The following GABRB2 variants were observed in gnomAD, a reference collection of about 807,000 sequenced individuals.
GABRB2 encodes gamma-aminobutyric acid receptor subunit beta-2.
Under a neutral mutation model 54.7 loss-of-function variants are expected in GABRB2, and 16 were observed. The ratio of observed to expected loss-of-function variants is 0.29; its 90% CI spans 0.20 to 0.44. The LOEUF (loss-of-function observed/expected upper bound fraction) is 0.44, where lower values mean the gene tolerates loss of function less well. GABRB2 is among the 20% of genes least tolerant of loss of function. The pLI, the probability that GABRB2 is intolerant of heterozygous loss-of-function variation, is 1.00. For missense variants in GABRB2, 355 were observed against 644.0 expected (o/e 0.55, Z 4.86); for synonymous variants, 244 against 233.8 (o/e 1.04, Z -0.40).
At chr5:161,310,474 T>G (rs1309382757) in intron 9 of GABRB2, among the ~76,000 whole-genome samples, 3 of 152,204 alleles carry the variant, frequency 2.0e-5, no homozygotes, top group African/African-American at 7.2e-5. Flanking sequence ...GATTTCTGGC[T>G]GGCTTGCTTG....
chr5:161,332,665 A>G (rs1255418237), intron 7 of GABRB2, among the ~76,000 whole-genome samples: 3 of 152,216 alleles, frequency 2.0e-5, no homozygotes, highest in Non-Finnish European at 4.4e-5. Flanking sequence ...TTGCCATTGG[A>G]ATGAGAATCT....
upstream of GABRB2, chr5:161,548,062 C>T (rs1294667929): frequency 2.6e-5 from 4 of 152,958 alleles, no homozygotes; most frequent in African/African-American, 9.6e-5. Context: ...CCCTCACCTC[C>T]GGAGGCACTG....
chr5:161,324,624 A>C (rs1271880204), intron 9 of GABRB2, among the ~76,000 whole-genome samples: 1 of 152,176 alleles, frequency 6.6e-6, no homozygotes, highest in South Asian at 2.1e-4. Flanking sequence ...AAAATCCACT[A>C]ATCTTCCCAG....
chr5:161,455,504 C>G (rs1757925157), intron 4 of GABRB2, among the ~76,000 whole-genome samples: 1 of 150,782 alleles, frequency 6.6e-6, no homozygotes, highest in Non-Finnish European at 1.5e-5. Flanking sequence ...CCCTAGGCCT[C>G]TGAAACATGA....
intron 3 of GABRB2, among the ~76,000 whole-genome samples, chr5:161,534,475 G>A (rs938358810): frequency 1.5e-4 from 23 of 152,022 alleles, no homozygotes; most frequent in African/African-American, 4.1e-4. Context: ...TAATCCTCTC[G>A]GGAAGAAAGA....
intron 5 of GABRB2, among the ~76,000 whole-genome samples, chr5:161,394,378 T>C (rs1056345019): frequency 3.6e-4 from 55 of 151,746 alleles, no homozygotes; most frequent in African/African-American, 1.2e-3. Flanking sequence ...ATCAATGAAA[T>C]AAAAACTAGA....
chr5:161,291,305 T>C lies in GABRB2; in HGVS notation c.*2776A>G, dbSNP rs1757231609. On this transcript the variant is annotated 3_prime_UTR_variant, in exon 10 of 10. Transcript: ENST00000393959. ...TATGTATAAACTGATAGTAATCCCA[T>C]ATCAGAACTACTAAACACACCTTTG... 6.6e-6 allele frequency: 1 copy of C among 152,198 alleles called. No homozygotes were observed. Among genetic ancestry groups the C allele is most frequent in the Admixed American group, 6.6e-5 (1 of 15,258 alleles). The allele number at this position is 152,198 out of a possible 1,614,324, so 9.4% of individuals were successfully genotyped here.
In GABRB2 at chr5:161,546,665, T is replaced by G. The variant is rs1205261796; in HGVS notation, c.-22A>C. On this transcript the variant is annotated 5_prime_UTR_variant, in exon 1 of 10. Coordinates refer to ENST00000393959, the MANE Select transcript of GABRB2 (RefSeq NM_001371727.1). ...ACATCCCTTTAGTTTTTGATGGAAT[T>G]GAGGGTTTCACTGAAGAGAGGAGAT... The G allele has an allele frequency of 6.3e-7, 1 of 1,575,678 alleles. No individual in the cohort carries two copies. Among genetic ancestry groups the G allele is most frequent in the East Asian group, 2.3e-5 (1 of 43,752 alleles).
At chr5:161,326,907 T>C (rs1429341260) in intron 8 of GABRB2, 2 of 740,158 alleles carry the variant, frequency 2.7e-6, no homozygotes, top group Non-Finnish European at 3.3e-6. Context: ...TTCTCAAATA[T>C]GCGTGTTCTT....
chr5:161,439,824 G>A (rs374381077), intron 4 of GABRB2, among the ~76,000 whole-genome samples: 13 of 152,082 alleles, frequency 8.5e-5, no homozygotes, highest in South Asian at 2.1e-4. Flanking sequence ...TGCCATTGGT[G>A]GGGGTAGGGG....
At chr5:161,370,028 T>A (rs1755087996) in intron 5 of GABRB2, among the ~76,000 whole-genome samples, 1 of 152,108 alleles carries the variant, frequency 6.6e-6, no homozygotes. Context: ...TAAGTTATCA[T>A]CTCAGTGATG....
chr5:161,367,473 G>A (rs1018509644), intron 5 of GABRB2, among the ~76,000 whole-genome samples: 14 of 151,150 alleles, frequency 9.3e-5, no homozygotes, highest in South Asian at 6.2e-4. Flanking sequence ...TATATTTTTC[G>A]TTTGCTTAAC....
At chr5:161,499,810 T>G (rs979050828) in intron 3 of GABRB2, among the ~76,000 whole-genome samples, 2 of 152,130 alleles carry the variant, frequency 1.3e-5, no homozygotes, top group African/African-American at 4.8e-5. Context: ...GTGCAAAGCA[T>G]GGTGAACATG....
At chr5:161,537,077 G>A (rs1009666419) in intron 3 of GABRB2, among the ~76,000 whole-genome samples, 1 of 151,960 alleles carries the variant, frequency 6.6e-6, no homozygotes, top group African/African-American at 2.4e-5. Flanking sequence ...GGCATCTGAC[G>A]CAGCTGACTA....
intron 3 of GABRB2, among the ~76,000 whole-genome samples, chr5:161,472,171 A>C (rs1427993190): frequency 6.6e-6 from 1 of 151,860 alleles, no homozygotes; most frequent in Non-Finnish European, 1.5e-5. Context: ...GTTTGTTATT[A>C]TTATTAATCT....
At chr5:161,424,868 T>C (rs1055404263) in intron 4 of GABRB2, among the ~76,000 whole-genome samples, 1 of 152,146 alleles carries the variant, frequency 6.6e-6, no homozygotes, top group African/African-American at 2.4e-5. Flanking sequence ...AGACCAATAA[T>C]GATTCATGGG....
chr5:161,472,335 C>T (rs1427875859), intron 3 of GABRB2, among the ~76,000 whole-genome samples: 2 of 151,594 alleles, frequency 1.3e-5, no homozygotes, highest in South Asian at 2.1e-4. Flanking sequence ...CTGGAACACC[C>T]ATCTTACTGC....
intron 5 of GABRB2, among the ~76,000 whole-genome samples, chr5:161,379,011 C>T (rs1460859592): frequency 6.6e-6 from 1 of 152,104 alleles, no homozygotes; most frequent in African/African-American, 2.4e-5. Context: ...AATTTGATCT[C>T]CTCATTTTCA....
intron 3 of GABRB2, among the ~76,000 whole-genome samples, chr5:161,503,709 CAAAAAAAAA>C (rs33992062): frequency 1.1e-5 from 1 of 91,686 alleles, no homozygotes; most frequent in African/African-American, 3.7e-5. Flanking sequence ...AATTCCTTCT[CAAAAAAAAA>C]AAAAAAAAAG....
Sources: gnomAD v4.1 joint callset for allele counts (sites outside exome capture counted in the v4.1 genomes callset) on GRCh38, gnomAD v4.1.1 for gene constraint, MANE v1.5 for transcripts, NCBI Gene and HGNC (gene_info 2026-07-23, HGNC 2026-07-21) for gene names.